ATXN7L1: variants seen among roughly 807,000 people sequenced by gnomAD.
The protein encoded by ATXN7L1 is ataxin 7 like 1.
ATXN7L1 carries 15 observed loss-of-function variants against 70.8 expected under a neutral mutation model. The ratio of observed to expected loss-of-function variants is 0.21; its 90% CI spans 0.14 to 0.33. The LOEUF (loss-of-function observed/expected upper bound fraction) is 0.33, where lower values mean the gene tolerates loss of function less well. ATXN7L1 is among the 10% of genes least tolerant of loss of function. The pLI is 1.00. For synonymous variants in ATXN7L1, 440 were observed against 445.1 expected (o/e 0.99, Z 0.14); for missense variants, 975 against 1,097.1 (o/e 0.89, Z 1.57).
intron 2 of ATXN7L1, among the ~76,000 whole-genome samples, chr7:105,852,424 G>T (rs972931855): frequency 1.3e-5 from 2 of 152,158 alleles, no homozygotes; most frequent in Non-Finnish European, 2.9e-5. Context: ...TAGTGGCCTT[G>T]TGTGATCCTG....
intron 2 of ATXN7L1, among the ~76,000 whole-genome samples, chr7:105,800,633 A>T (rs1380779389): frequency 6.6e-6 from 1 of 152,234 alleles, no homozygotes; most frequent in Non-Finnish European, 1.5e-5. Context: ...GCTGCCTTAG[A>T]CTAAAGAACC....
At chr7:105,859,200 G>T (rs1816187292) in intron 2 of ATXN7L1, among the ~76,000 whole-genome samples, 1 of 152,044 alleles carries the variant, frequency 6.6e-6, no homozygotes, top group African/African-American at 2.4e-5. Context: ...AAGTATTTAG[G>T]GGTGTCATGC....
intron 2 of ATXN7L1, among the ~76,000 whole-genome samples, chr7:105,816,277 G>A (rs1296203482): frequency 6.6e-6 from 1 of 152,066 alleles, no homozygotes; most frequent in East Asian, 1.9e-4. Flanking sequence ...AGGGTCTGGG[G>A]GCTGGGGAGA....
chr7:105,722,369 CT>C (rs1329794851), intron 3 of ATXN7L1, among the ~76,000 whole-genome samples: 1 of 151,868 alleles, frequency 6.6e-6, no homozygotes, highest in East Asian at 1.9e-4. Context: ...CAAGACCAGC[CT>C]GGCCAACATG....
intron 3 of ATXN7L1, among the ~76,000 whole-genome samples, chr7:105,707,937 A>C (rs1320390201): frequency 2.0e-5 from 3 of 152,216 alleles, no homozygotes; most frequent in Non-Finnish European, 4.4e-5. Flanking sequence ...ACTTATTTTA[A>C]ATTTATTTTA....
At chr7:105,862,206 G>C (rs1334391045) in intron 2 of ATXN7L1, among the ~76,000 whole-genome samples, 3 of 152,194 alleles carry the variant, frequency 2.0e-5, no homozygotes, top group Non-Finnish European at 4.4e-5. Context: ...AGGCTGCAGT[G>C]GGAGAATCGC....
Position 105,731,626 on chromosome 7 carries a change from G to A in ATXN7L1, c.355+56978C>T, listed in dbSNP as rs148411564. On this transcript the variant is annotated intron_variant, in intron 3 of 11. Transcript: ENST00000419735. The stretch of plus-strand genomic sequence containing the variant: ...ATTTTTTTATTTTTTAAGTAGAGAT[G>A]GGGTTTCACCACTTTGGTGGCGGGT... Among the ~76,000 whole-genome samples the A allele has an allele frequency of 3.1e-3, 469 of 151,160 alleles. 7 individuals carry two copies. The highest frequency in any genetic ancestry group is 0.011 in the African/African-American group (449 of 41,196).
chr7:105,791,407 G>C (rs1805214644), intron 2 of ATXN7L1, among the ~76,000 whole-genome samples: 1 of 152,208 alleles, frequency 6.6e-6, no homozygotes, highest in Non-Finnish European at 1.5e-5. Flanking sequence ...CCTGTGGGAA[G>C]AGAGGCTGAG....
intron 3 of ATXN7L1, among the ~76,000 whole-genome samples, chr7:105,743,242 A>T (rs774250178): frequency 7.2e-5 from 11 of 152,228 alleles, no homozygotes; most frequent in Non-Finnish European, 1.5e-4. Context: ...AAGGAGAAGA[A>T]GAAAAACCAA....
At chr7:105,619,511 TATATATATATATATATATA>T (rs1170644166) in intron 9 of ATXN7L1, among the ~76,000 whole-genome samples, 2 of 14,786 alleles carry the variant, frequency 1.4e-4, no homozygotes, top group East Asian at 1.7e-3. Context: ...TATATATATA[TATATATATATATATATATA>T]TTTTTTTTTT....
Position 105,656,862 on chromosome 7 carries a change from C to A in ATXN7L1, c.578+8204G>T, listed in dbSNP as rs188338540. On this transcript the variant is annotated intron_variant, in intron 4 of 11. Coordinates refer to ENST00000419735, the MANE Select transcript of ATXN7L1 (RefSeq NM_020725.2). ...GAATTACAGGCGTGAGCCACCACGC[C>A]GGCCTCCCCCTTTCTTGTAATGCAG... Among the ~76,000 whole-genome samples the A allele has an allele frequency of 9.6e-4, 147 of 152,334 alleles. 2 individuals are homozygous for A. In the East Asian group the frequency reaches 0.026, roughly 27 times the overall value.
intron 4 of ATXN7L1, among the ~76,000 whole-genome samples, chr7:105,643,901 T>C (rs1798619453): frequency 6.6e-6 from 1 of 152,156 alleles, no homozygotes; most frequent in South Asian, 2.1e-4. Context: ...GCATTTGATT[T>C]CTCTTCTTCT....
intron 2 of ATXN7L1, among the ~76,000 whole-genome samples, chr7:105,855,380 G>T (rs1182998789): frequency 1.3e-5 from 2 of 152,198 alleles, no homozygotes; most frequent in African/African-American, 4.8e-5. Flanking sequence ...GCAGCCCATG[G>T]GCCACACGTT....
chr7:105,678,086 C>A, intron 3 of ATXN7L1: 35 of 679,698 alleles, frequency 5.1e-5, no homozygotes, highest in Non-Finnish European at 5.8e-5. Flanking sequence ...TGCGTACAGA[C>A]ACATACTTTT....
chr7:105,623,382 G>T (rs770451693), intron 8 of ATXN7L1, among the ~76,000 whole-genome samples: 1 of 152,276 alleles, frequency 6.6e-6, no homozygotes, highest in East Asian at 1.9e-4. Flanking sequence ...GTGCTCGTAC[G>T]CAAACAATAA....
At chr7:105,639,155 G>A (rs1203988245) in intron 6 of ATXN7L1, among the ~76,000 whole-genome samples, 3 of 152,146 alleles carry the variant, frequency 2.0e-5, no homozygotes, top group African/African-American at 7.2e-5. Flanking sequence ...TGCCGCCGCC[G>A]CCGCCGCCGC....
chr7:105,847,031 T>C (rs1268993558), intron 2 of ATXN7L1, among the ~76,000 whole-genome samples: 1 of 152,260 alleles, frequency 6.6e-6, no homozygotes. Flanking sequence ...TGGAATGAGA[T>C]AGTGGTGTTG....
intron 3 of ATXN7L1, among the ~76,000 whole-genome samples, chr7:105,673,208 C>T (rs187774936): frequency 2.6e-5 from 4 of 152,318 alleles, no homozygotes; most frequent in Non-Finnish European, 5.9e-5. Context: ...TGTTCCCTTC[C>T]CCATACGCTT....
At chr7:105,645,810 C>CACAA (rs58661590) in intron 4 of ATXN7L1, among the ~76,000 whole-genome samples, 7,975 of 143,344 alleles carry the variant, frequency 0.056, 280 homozygotes, top group South Asian at 0.11. Flanking sequence ...GAGACGCCAC[C>CACAA]ACAAACAAAC....
Sources: gnomAD v4.1 joint callset for allele counts (sites outside exome capture counted in the v4.1 genomes callset) on GRCh38, gnomAD v4.1.1 for gene constraint, MANE v1.5 for transcripts, NCBI Gene and HGNC (gene_info 2026-07-23, HGNC 2026-07-21) for gene names.